GAB1: variants seen among roughly 807,000 people sequenced by gnomAD.
GAB1 encodes GRB2-associated-binding protein 1.
Under a neutral mutation model 66.5 loss-of-function variants are expected in GAB1, and 19 were observed. The ratio of observed to expected loss-of-function variants is 0.29; its 90% CI spans 0.20 to 0.42. The LOEUF is 0.42. GAB1 is among the 10% of genes least tolerant of loss of function. GAB1 has a pLI of 1.00. For synonymous variants in GAB1, 294 were observed against 301.4 expected (o/e 0.98, Z 0.25); for missense variants, 732 against 858.5 (o/e 0.85, Z 1.84).
chr4:143,387,909 C>G (rs1017981382), intron 1 of GAB1, among the ~76,000 whole-genome samples: 2 of 152,240 alleles, frequency 1.3e-5, no homozygotes, highest in African/African-American at 4.8e-5. Context: ...CTTGTGCCTG[C>G]GCTGTACTTT....
chr4:143,363,522 A>C (rs893839240), intron 1 of GAB1, among the ~76,000 whole-genome samples: 5 of 152,214 alleles, frequency 3.3e-5, no homozygotes, highest in African/African-American at 1.2e-4. Flanking sequence ...GCCCAAGAGC[A>C]TAGTTGAAGA....
chr4:143,375,148 A>G (rs576186475), intron 1 of GAB1, among the ~76,000 whole-genome samples: 21 of 152,292 alleles, frequency 1.4e-4, no homozygotes, highest in South Asian at 4.1e-4. Flanking sequence ...GGGTTTCACC[A>G]TGTTGCCCAA....
chr4:143,413,824 C>CCT (rs61697817), intron 1 of GAB1, among the ~76,000 whole-genome samples: 6 of 67,828 alleles, frequency 8.8e-5, no homozygotes, highest in African/African-American at 5.6e-4. Context: ...CCCCGCTGCC[C>CCT]TTTTTTTTTT....
chr4:143,378,689 A>G (rs192158019), intron 1 of GAB1, among the ~76,000 whole-genome samples: 2 of 134,458 alleles, frequency 1.5e-5, no homozygotes, highest in African/African-American at 2.9e-5. Context: ...TCTAGTCTCT[A>G]AACCTCTCTT....
chr4:143,360,530 G>A (rs946408726), intron 1 of GAB1, among the ~76,000 whole-genome samples: 5 of 152,066 alleles, frequency 3.3e-5, no homozygotes, highest in African/African-American at 1.2e-4. Context: ...ATCCTACTTG[G>A]ACACTACAAA....
At chr4:143,370,721 C>T (rs1476786786) in intron 1 of GAB1, among the ~76,000 whole-genome samples, 1 of 152,104 alleles carries the variant, frequency 6.6e-6, no homozygotes, top group Non-Finnish European at 1.5e-5. Context: ...ACAACAGGCC[C>T]CGGGGTGTGA....
intron 1 of GAB1, among the ~76,000 whole-genome samples, chr4:143,404,447 A>C (rs560245372): frequency 1.3e-5 from 2 of 152,308 alleles, no homozygotes; most frequent in South Asian, 2.1e-4. Flanking sequence ...AGCATTACAC[A>C]ATTTAAATAT....
intron 1 of GAB1, among the ~76,000 whole-genome samples, chr4:143,381,124 C>CA (rs1320078853): frequency 6.6e-6 from 1 of 152,192 alleles, no homozygotes; most frequent in Non-Finnish European, 1.5e-5. Context: ...GGGCCACATA[C>CA]AAACAGATTT....
chr4:143,423,792 G>GTGTATATATATATATA (rs1409168050), intron 2 of GAB1, among the ~76,000 whole-genome samples: 1 of 67,734 alleles, frequency 1.5e-5, no homozygotes, highest in African/African-American at 4.3e-5. Flanking sequence ...AAAAAAAAGT[G>GTGTATATATATATATA]TATATATATA....
chr4:143,339,645 T>C (rs1439837137), intron 1 of GAB1, among the ~76,000 whole-genome samples: 1 of 152,232 alleles, frequency 6.6e-6, no homozygotes, highest in Non-Finnish European at 1.5e-5. Context: ...ACCTAGTCTT[T>C]GCCTTTAAGT....
intron 1 of GAB1, among the ~76,000 whole-genome samples, chr4:143,337,943 G>T (rs1047664029): frequency 6.6e-6 from 1 of 152,216 alleles, no homozygotes; most frequent in Admixed American, 6.5e-5. Flanking sequence ...CGCTGGGGGG[G>T]AGCCTAGTGG....
intron 1 of GAB1, among the ~76,000 whole-genome samples, chr4:143,374,800 G>A (rs918129280): frequency 1.5e-4 from 23 of 152,184 alleles, no homozygotes; most frequent in African/African-American, 4.6e-4. Context: ...CTATGGATAC[G>A]TCTCAAAGTA....
At chr4:143,375,195 G>A (rs773922151) in intron 1 of GAB1, among the ~76,000 whole-genome samples, 21 of 152,178 alleles carry the variant, frequency 1.4e-4, no homozygotes, top group Non-Finnish European at 2.8e-4. Flanking sequence ...CGATGTGCCC[G>A]CCTTGGCCTC....
At position 143,469,250 on chromosome 4, in the gene GAB1, G is replaced by A; in HGVS notation, c.*61G>A. 1 of 1,543,630 alleles carries A rather than the reference G, an allele frequency of 6.5e-7. No homozygotes were observed. The highest frequency in any genetic ancestry group is 1.2e-5 in the South Asian group (1 of 86,910). On this transcript the variant is annotated 3_prime_UTR_variant, in exon 10 of 10. Transcript: ENST00000262994. ...TGAATTGTAAAGATAAATCCCTTTTGAAGAATGACTTGACACTTCCACTCT... is the reference window on the plus strand; with the variant it reads ...TGAATTGTAAAGATAAATCCCTTTTAAAGAATGACTTGACACTTCCACTCT...
intron 6 of GAB1, among the ~76,000 whole-genome samples, chr4:143,449,935 G>T (rs1233792506): frequency 6.6e-6 from 1 of 151,972 alleles, no homozygotes; most frequent in Non-Finnish European, 1.5e-5. Context: ...TAGGAGTAAA[G>T]CCTACTTGAT....
intron 1 of GAB1, among the ~76,000 whole-genome samples, chr4:143,413,614 CCT>C (rs1732510087): frequency 6.6e-6 from 1 of 152,032 alleles, no homozygotes; most frequent in African/African-American, 2.4e-5. Flanking sequence ...TGTAGCAATA[CCT>C]CTGCAGACAT....
intron 1 of GAB1, among the ~76,000 whole-genome samples, chr4:143,367,135 G>T (rs1411892580): frequency 6.6e-6 from 1 of 152,206 alleles, no homozygotes. Context: ...AAATAGCCTT[G>T]CAAAGGCTGG....
chr4:143,401,020 C>T (rs1014077656), intron 1 of GAB1, among the ~76,000 whole-genome samples: 1 of 150,400 alleles, frequency 6.6e-6, no homozygotes, highest in African/African-American at 2.4e-5. Context: ...AGTTATTCAA[C>T]AAAATACAGA....
chr4:143,363,400 A>C (rs920304622), intron 1 of GAB1, among the ~76,000 whole-genome samples: 19 of 152,156 alleles, frequency 1.2e-4, no homozygotes, highest in Admixed American at 9.8e-4. Context: ...TTGCAGAGTA[A>C]GAGAAGTAGT....
Sources: allele counts gnomAD v4.1 joint callset (sites outside exome capture counted in the v4.1 genomes callset), GRCh38; gene constraint gnomAD v4.1.1; transcripts MANE v1.5; gene names NCBI Gene and HGNC (gene_info 2026-07-23, HGNC 2026-07-21).